ZNF385B: variants seen among roughly 807,000 people sequenced by gnomAD.
ZNF385B encodes the protein zinc finger protein 533.
A neutral mutation model predicts 39.2 loss-of-function variants in ZNF385B; 23 were observed. That is an observed-to-expected ratio of 0.59 (90% CI 0.42 to 0.83). The LOEUF (loss-of-function observed/expected upper bound fraction) is 0.83. ZNF385B is among the 40% of genes least tolerant of loss of function. The pLI is 0.00. For missense variants in ZNF385B, 552 were observed against 598.9 expected (o/e 0.92, Z 0.82); for synonymous variants, 205 against 222.6 (o/e 0.92, Z 0.70).
At chr2:179,560,194 C>G (rs541892170) in intron 3 of ZNF385B, among the ~76,000 whole-genome samples, 22 of 152,234 alleles carry the variant, frequency 1.4e-4, no homozygotes, top group African/African-American at 5.3e-4. Context: ...AAAGTCAAGG[C>G]CATAATGACT....
chr2:179,528,355 C>T (rs1408836438), intron 4 of ZNF385B, among the ~76,000 whole-genome samples: 1 of 152,184 alleles, frequency 6.6e-6, no homozygotes, highest in Non-Finnish European at 1.5e-5. Context: ...GTACTAGACA[C>T]CTTTCATCTG....
intron 1 of ZNF385B, among the ~76,000 whole-genome samples, chr2:179,859,682 A>G (rs1274206095): frequency 2.0e-5 from 3 of 152,240 alleles, no homozygotes; most frequent in Non-Finnish European, 1.5e-5. Flanking sequence ...ATCCACAAAT[A>G]TTTAATTTAT....
chr2:179,558,641 T>C (rs1459866399), intron 3 of ZNF385B, among the ~76,000 whole-genome samples: 1 of 152,172 alleles, frequency 6.6e-6, no homozygotes, highest in Admixed American at 6.5e-5. Flanking sequence ...TGGGAATAAA[T>C]AGAAACAGTA....
chr2:179,469,056 AG>A (rs2052443722), intron 6 of ZNF385B, among the ~76,000 whole-genome samples: 1 of 152,252 alleles, frequency 6.6e-6, no homozygotes, highest in African/African-American at 2.4e-5. Context: ...TAAGACCTAG[AG>A]GTTACAGGAG....
intron 3 of ZNF385B, among the ~76,000 whole-genome samples, chr2:179,688,488 C>CG (rs1397376451): frequency 5.3e-4 from 30 of 56,388 alleles, no homozygotes; most frequent in African/African-American, 2.2e-3. Context: ...TGTCCCCCTG[C>CG]AAAACAACAA....
At chr2:179,796,321 G>C (rs556456129) in intron 1 of ZNF385B, 1 of 152,106 alleles carries the variant, frequency 6.6e-6, no homozygotes, top group African/African-American at 2.4e-5. Context: ...TATCCCCCTG[G>C]GGCAACATCA....
chr2:179,639,477 C>T (rs1480515911), intron 3 of ZNF385B, among the ~76,000 whole-genome samples: 1 of 151,978 alleles, frequency 6.6e-6, no homozygotes, highest in Non-Finnish European at 1.5e-5. Context: ...TTAATCATTT[C>T]ACAATGTATA....
At chr2:179,585,274 T>C (rs1293437940) in intron 3 of ZNF385B, among the ~76,000 whole-genome samples, 1 of 152,232 alleles carries the variant, frequency 6.6e-6, no homozygotes, top group Admixed American at 6.5e-5. Context: ...ATGTGGATAC[T>C]GTTTAGAGGC....
At chr2:179,500,275 T>G (rs1190669287) in intron 5 of ZNF385B, among the ~76,000 whole-genome samples, 1 of 152,126 alleles carries the variant, frequency 6.6e-6, no homozygotes, top group Non-Finnish European at 1.5e-5. Flanking sequence ...CTAACATTTA[T>G]ATGCAATCAC....
At chr2:179,808,025 CTTTT>C (rs869172440) in intron 1 of ZNF385B, among the ~76,000 whole-genome samples, 7 of 149,906 alleles carry the variant, frequency 4.7e-5, no homozygotes, top group African/African-American at 1.2e-4. Flanking sequence ...GTATATAATT[CTTTT>C]TGTTTGTTTG....
chr2:179,708,018 A>G lies in ZNF385B; in HGVS notation c.298+61485T>C, dbSNP rs535993105. 2.3e-3 allele frequency among the ~76,000 whole-genome samples: 357 copies of G among 152,304 alleles called. 1 individual carries two copies. Among genetic ancestry groups the G allele is most frequent in the African/African-American group, 7.6e-3 (314 of 41,568 alleles). On this transcript the variant is annotated intron_variant, in intron 3 of 9. Coordinates refer to ENST00000410066, the MANE Select transcript of ZNF385B (RefSeq NM_152520.6). ...AATCTCAATAAGAGCAGTGGTTGCC[A>G]GGGTGTCCAGGGGTCAGAGGCCACA...
chr2:179,831,291 G>T (rs535022951), intron 1 of ZNF385B, among the ~76,000 whole-genome samples: 1 of 152,226 alleles, frequency 6.6e-6, no homozygotes, highest in Non-Finnish European at 1.5e-5. Flanking sequence ...ATAACCTTAT[G>T]AGGTAGGTAT....
intron 3 of ZNF385B, among the ~76,000 whole-genome samples, chr2:179,603,189 T>A (rs1375176159): frequency 6.6e-6 from 1 of 152,140 alleles, no homozygotes; most frequent in Non-Finnish European, 1.5e-5. Flanking sequence ...TTTTTTGATC[T>A]GGGGGCCCCA....
At chr2:179,761,975 C>A (rs1211342579) in intron 3 of ZNF385B, among the ~76,000 whole-genome samples, 2 of 151,974 alleles carry the variant, frequency 1.3e-5, no homozygotes, top group Admixed American at 6.6e-5. Context: ...CCTTCCCCTG[C>A]TCTTGGTCTT....
chr2:179,525,663 C>T (rs73039319), intron 4 of ZNF385B, among the ~76,000 whole-genome samples: 5 of 152,266 alleles, frequency 3.3e-5, no homozygotes, highest in African/African-American at 9.6e-5. Context: ...TTATCAGTAT[C>T]GTTATTATTA....
chr2:179,545,438 C>A (rs1408285008), intron 3 of ZNF385B, among the ~76,000 whole-genome samples: 1 of 151,978 alleles, frequency 6.6e-6, no homozygotes, highest in Non-Finnish European at 1.5e-5. Context: ...AAACTTGAAC[C>A]TGTATAGTTA....
intron 4 of ZNF385B, among the ~76,000 whole-genome samples, chr2:179,533,009 CTGATAATTTCCTG>C (rs1243487987): frequency 2.6e-5 from 4 of 152,176 alleles, no homozygotes; most frequent in Non-Finnish European, 5.9e-5. Flanking sequence ...CTATGAATTG[CTGATAATTTCCTG>C]TGATGACCGA....
intron 3 of ZNF385B, among the ~76,000 whole-genome samples, chr2:179,552,430 G>A (rs887365822): frequency 2.0e-5 from 3 of 149,188 alleles, no homozygotes; most frequent in African/African-American, 7.6e-5. Context: ...TCCCATCAGT[G>A]AGTACTGAAA....
intron 3 of ZNF385B, among the ~76,000 whole-genome samples, chr2:179,626,426 A>T (rs77265227): frequency 0.11 from 16,179 of 152,204 alleles, 1,005 homozygotes; most frequent in Non-Finnish European, 0.14. Flanking sequence ...GTATTTGCTC[A>T]GAAATCCAAA....
Sources: gnomAD v4.1 joint callset for allele counts (sites outside exome capture counted in the v4.1 genomes callset) on GRCh38, gnomAD v4.1.1 for gene constraint, MANE v1.5 for transcripts, NCBI Gene and HGNC (gene_info 2026-07-23, HGNC 2026-07-21) for gene names.